The following UNC5D variants were observed in gnomAD, a reference collection of about 807,000 sequenced individuals.
UNC5D encodes the protein netrin receptor UNC5D.
UNC5D carries 39 observed loss-of-function variants against 105.4 expected under a neutral mutation model. The ratio of observed to expected loss-of-function variants is 0.37; its 90% confidence interval spans 0.29 to 0.48. The LOEUF (loss-of-function observed/expected upper bound fraction) is 0.48, where lower values mean the gene tolerates loss of function less well. UNC5D is among the 20% of genes least tolerant of loss of function. The pLI is 0.98. For synonymous variants in UNC5D, 452 were observed against 450.4 expected (o/e 1.00, Z -0.04); for missense variants, 991 against 1,202.4 (o/e 0.82, Z 2.60).
At chr8:35,633,954 C>T (rs1404994510) in intron 4 of UNC5D, among the ~76,000 whole-genome samples, 2 of 152,084 alleles carry the variant, frequency 1.3e-5, no homozygotes, top group Admixed American at 6.5e-5. Flanking sequence ...GGCAAGAAGC[C>T]GAATCAAAGC....
Position 35,322,502 on chromosome 8 carries a change from T to C in UNC5D, c.103+86615T>C, listed in dbSNP as rs557641551. On this transcript the variant is annotated intron_variant, in intron 1 of 16. Transcript: ENST00000404895. ...TCCATCTCTTCTACCTACAGTCTCA[T>C]GTTCCTTGTGTCAATCTGTTGTTTT... 3.4e-3 allele frequency among the ~76,000 whole-genome samples: 524 copies of C among 152,294 alleles called. 6 individuals are homozygous for C. Among genetic ancestry groups the C allele is most frequent in the African/African-American group, 0.012 (509 of 41,574 alleles).
intron 14 of UNC5D, among the ~76,000 whole-genome samples, chr8:35,764,713 G>A (rs193286590): frequency 4.4e-4 from 67 of 152,302 alleles, no homozygotes; most frequent in African/African-American, 1.6e-3. Flanking sequence ...AAACGGACAT[G>A]TGTTGTCAGC....
intron 4 of UNC5D, among the ~76,000 whole-genome samples, chr8:35,619,421 A>G (rs185404827): frequency 2.6e-5 from 4 of 152,300 alleles, no homozygotes; most frequent in Non-Finnish European, 5.9e-5. Flanking sequence ...CACAAGTGGG[A>G]GAATCACTGA....
chr8:35,475,855 G>GT (rs1484663254), intron 1 of UNC5D, among the ~76,000 whole-genome samples: 1 of 152,128 alleles, frequency 6.6e-6, no homozygotes, highest in African/African-American at 2.4e-5. Context: ...TAAACTCAGA[G>GT]TAGAATCATT....
chr8:35,315,312 A>G (rs181715684), intron 1 of UNC5D, among the ~76,000 whole-genome samples: 35 of 152,222 alleles, frequency 2.3e-4, no homozygotes, highest in African/African-American at 6.7e-4. Context: ...TTGTTCCCCT[A>G]TGGGGCAGGC....
At chr8:35,504,428 A>G (rs1812179599) in intron 1 of UNC5D, among the ~76,000 whole-genome samples, 1 of 152,242 alleles carries the variant, frequency 6.6e-6, no homozygotes, top group Non-Finnish European at 1.5e-5. Flanking sequence ...GGGAATACCC[A>G]GAAGTATTAG....
At chr8:35,778,992 A>C (rs943114961) in intron 16 of UNC5D, among the ~76,000 whole-genome samples, 1 of 152,358 alleles carries the variant, frequency 6.6e-6, no homozygotes, top group Admixed American at 6.5e-5. Flanking sequence ...CATATGGATC[A>C]CGCTAAATAA....
chr8:35,328,760 G>A (rs372890937), intron 1 of UNC5D, among the ~76,000 whole-genome samples: 16 of 152,140 alleles, frequency 1.1e-4, no homozygotes, highest in African/African-American at 3.1e-4. Flanking sequence ...CAGTCAGTCC[G>A]CGTCAGGAGC....
rs1282587106 is a variant in UNC5D, at chr8:35,796,306, GCTT to G, written c.*5747_*5749del. ...GGACTTCTTAGAAAAGGCTGCACTG[GCTT>G]CTTTTTCAGCACATGTACATATCTA... is the stretch of plus-strand genomic sequence containing the variant. On this transcript the variant is annotated 3_prime_UTR_variant, in exon 17 of 17. Coordinates refer to ENST00000404895, the MANE Select transcript of UNC5D (RefSeq NM_080872.4). 1 of 151,410 alleles carries G rather than the reference GCTT, an allele frequency of 6.6e-6. No individual in the cohort carries two copies. Among genetic ancestry groups the G allele is most frequent in the Admixed American group, 6.6e-5 (1 of 15,144 alleles). The allele number at this position is 151,410 out of a possible 1,614,324, so 9.4% of individuals were successfully genotyped here.
intron 1 of UNC5D, among the ~76,000 whole-genome samples, chr8:35,439,706 C>CTTTTTCCATCTTCTAAATATGGAAAGTCG (rs1251682583): frequency 1.1e-4 from 16 of 152,032 alleles, no homozygotes; most frequent in East Asian, 3.9e-4. Context: ...ATGGAAAGTC[C>CTTTTTCCATCTTCTAAATATGGAAAGTCG]TTTTTCCATC....
intron 2 of UNC5D, among the ~76,000 whole-genome samples, chr8:35,562,041 T>C (rs1817004396): frequency 6.6e-6 from 1 of 152,190 alleles, no homozygotes; most frequent in Admixed American, 6.5e-5. Flanking sequence ...TCCCCCTTCT[T>C]GGCCTCTGGT....
intron 1 of UNC5D, among the ~76,000 whole-genome samples, chr8:35,455,181 G>T (rs1418041921): frequency 6.6e-6 from 1 of 151,964 alleles, no homozygotes; most frequent in Non-Finnish European, 1.5e-5. Flanking sequence ...GCTGTGTTTG[G>T]ACATAAAGTG....
At chr8:35,482,215 T>C (rs1328568173) in intron 1 of UNC5D, among the ~76,000 whole-genome samples, 1 of 152,226 alleles carries the variant, frequency 6.6e-6, no homozygotes, top group African/African-American at 2.4e-5. Context: ...CATGATTTTC[T>C]AAATCGTTCC....
intron 2 of UNC5D, among the ~76,000 whole-genome samples, chr8:35,567,491 T>TA (rs1010448313): frequency 2.3e-4 from 34 of 149,974 alleles, no homozygotes; most frequent in South Asian, 1.1e-3. Flanking sequence ...CCCCATCGCT[T>TA]AAAAAAAAAA....
intron 3 of UNC5D, among the ~76,000 whole-genome samples, chr8:35,592,657 C>A (rs1348958364): frequency 6.6e-6 from 1 of 152,086 alleles, no homozygotes; most frequent in Non-Finnish European, 1.5e-5. Flanking sequence ...AGTCAGTGTC[C>A]TGGCACCAGT....
intron 1 of UNC5D, among the ~76,000 whole-genome samples, chr8:35,394,537 T>G (rs1803982886): frequency 6.6e-6 from 1 of 152,020 alleles, no homozygotes; most frequent in Non-Finnish European, 1.5e-5. Context: ...TGCTTCCTAC[T>G]TTACCTGCAT....
intron 1 of UNC5D, among the ~76,000 whole-genome samples, chr8:35,487,360 G>A (rs1017420534): frequency 1.3e-5 from 2 of 152,050 alleles, no homozygotes; most frequent in Non-Finnish European, 2.9e-5. Flanking sequence ...TAATATGAAA[G>A]GACCTCATCC....
At chr8:35,722,434 C>G (rs762212393) in intron 9 of UNC5D, 39 bp downstream of exon 9, 4 of 1,593,432 alleles carry the variant, frequency 2.5e-6, no homozygotes, top group Non-Finnish European at 3.4e-6. Flanking sequence ...GTCCTCAGTG[C>G]CATAGACTAC....
At chr8:35,260,119 C>G (rs72633507) in intron 1 of UNC5D, among the ~76,000 whole-genome samples, 31 of 152,220 alleles carry the variant, frequency 2.0e-4, no homozygotes, top group Non-Finnish European at 4.1e-4. Context: ...CAGTGTTATT[C>G]CTGAGTGAAT....
Sources: allele counts gnomAD v4.1 joint callset (sites outside exome capture counted in the v4.1 genomes callset), GRCh38; gene constraint gnomAD v4.1.1; transcripts MANE v1.5; gene names NCBI Gene and HGNC (gene_info 2026-07-23, HGNC 2026-07-21).